PKNOX2: variants seen among roughly 807,000 people sequenced by gnomAD.
PKNOX2 encodes homeobox protein PKNOX2.
PKNOX2 carries 14 observed loss-of-function variants against 53.1 expected under a neutral mutation model. The observed-to-expected ratio is 0.26, with a 90% CI of 0.17 to 0.41. The LOEUF (loss-of-function observed/expected upper bound fraction) is 0.41. Among genes scored for constraint, PKNOX2 ranks in the 10% least tolerant of loss-of-function variants. The pLI, the probability that PKNOX2 is intolerant of heterozygous loss-of-function variation, is 1.00. For missense variants in PKNOX2, 496 were observed against 602.8 expected, an observed-to-expected ratio of 0.82 and a Z score of 1.85; for synonymous variants, 257 against 242.8, an observed-to-expected ratio of 1.06 and a Z score of -0.54.
intron 2 of PKNOX2, among the ~76,000 whole-genome samples, chr11:125,313,032 C>CTATCTG: frequency 6.6e-6 from 1 of 152,272 alleles, no homozygotes; most frequent in East Asian, 1.9e-4. Context: ...CCGTGTCATG[C>CTATCTG]TATCGCCTTC....
chr11:125,355,330 ACCCT>A (rs557929040), intron 4 of PKNOX2, among the ~76,000 whole-genome samples: 69 of 151,832 alleles, frequency 4.5e-4, no homozygotes, highest in African/African-American at 1.6e-3. Context: ...ACCTAGTGGA[ACCCT>A]CCCTGTGACC....
intron 2 of PKNOX2, among the ~76,000 whole-genome samples, chr11:125,252,228 C>A (rs890663020): frequency 7.2e-5 from 11 of 152,112 alleles, no homozygotes; most frequent in African/African-American, 2.7e-4. Context: ...CCAGAGAGGG[C>A]TTGGCTGATG....
At chr11:125,335,680 T>C (rs1002773112) in intron 3 of PKNOX2, among the ~76,000 whole-genome samples, 2 of 152,178 alleles carry the variant, frequency 1.3e-5, no homozygotes, top group South Asian at 2.1e-4. Flanking sequence ...TAGCCAGGCA[T>C]GGTGATGCAC....
At chr11:125,332,961 G>A (rs1231081255) in intron 3 of PKNOX2, among the ~76,000 whole-genome samples, 7 of 152,170 alleles carry the variant, frequency 4.6e-5, no homozygotes, top group Non-Finnish European at 1.0e-4. Flanking sequence ...ACAATGAGGG[G>A]TGGGTGGCAT....
chr11:125,419,571 G>A (rs994848352), intron 10 of PKNOX2, among the ~76,000 whole-genome samples: 7 of 151,438 alleles, frequency 4.6e-5, no homozygotes, highest in African/African-American at 9.7e-5. Flanking sequence ...ACTTGCATAC[G>A]TATTAAGGAT....
chr11:125,262,373 A>T (rs1396035672), intron 2 of PKNOX2, among the ~76,000 whole-genome samples: 1 of 152,006 alleles, frequency 6.6e-6, no homozygotes, highest in Non-Finnish European at 1.5e-5. Flanking sequence ...CTGGTCAGGC[A>T]CTCGGGGAGG....
intron 4 of PKNOX2, among the ~76,000 whole-genome samples, chr11:125,362,209 A>G (rs182999189): frequency 9.2e-5 from 14 of 152,192 alleles, no homozygotes; most frequent in African/African-American, 3.4e-4. Flanking sequence ...AAATCTTCCC[A>G]TTCTCCTCTT....
chr11:125,430,219 G>A (rs1956632843), intron 12 of PKNOX2, 78 bp downstream of exon 12: 1 of 1,504,658 alleles, frequency 6.6e-7, no homozygotes, highest in African/African-American at 1.4e-5. Context: ...GCCGTGCAAA[G>A]ATTCAAGGGC....
In PKNOX2 at chr11:125,379,207, C is replaced by A. The variant is rs183011988; in HGVS notation, c.228-6344C>A. Among the ~76,000 whole-genome samples the A allele has an allele frequency of 3.5e-3, 529 of 151,970 alleles. 1 individual carries two copies. The highest frequency in any genetic ancestry group is 6.7e-3 in the South Asian group (32 of 4,790). Reference sequence around the variant, plus strand: ...TCCCGAGTAGCTGGGATTAAAGGCACGTGCCACCATGTCTGGCTAATTTTT... The same window carrying A: ...TCCCGAGTAGCTGGGATTAAAGGCAAGTGCCACCATGTCTGGCTAATTTTT... On this transcript the variant is annotated intron_variant, in intron 5 of 12. Transcript: ENST00000298282.
At chr11:125,382,772 A>G (rs1953339290) in intron 5 of PKNOX2, among the ~76,000 whole-genome samples, 1 of 152,186 alleles carries the variant, frequency 6.6e-6, no homozygotes, top group South Asian at 2.1e-4. Flanking sequence ...GCTGCAAATG[A>G]AGACTTATAC....
intron 4 of PKNOX2, among the ~76,000 whole-genome samples, chr11:125,361,848 T>A (rs1299378835): frequency 1.3e-5 from 2 of 152,186 alleles, no homozygotes; most frequent in East Asian, 3.9e-4. Flanking sequence ...GCCTCCGGGC[T>A]CCAGAAGGCT....
At chr11:125,429,189 C>T (rs1956577384) in intron 11 of PKNOX2, 101 bp downstream of exon 11, 1 of 1,176,082 alleles carries the variant, frequency 8.5e-7, no homozygotes, top group Non-Finnish European at 1.2e-6. Flanking sequence ...CCAGGATCTG[C>T]CTCAATCTCA....
intron 12 of PKNOX2, 123 bp downstream of exon 12, chr11:125,430,264 C>A: frequency 8.6e-7 from 1 of 1,168,010 alleles, no homozygotes; most frequent in Non-Finnish European, 1.2e-6. Flanking sequence ...GCTGCCATGC[C>A]ACAGTGATTA....
At chr11:125,246,178 T>A (rs1378016598) in intron 2 of PKNOX2, among the ~76,000 whole-genome samples, 1 of 152,154 alleles carries the variant, frequency 6.6e-6, no homozygotes, top group Non-Finnish European at 1.5e-5. Context: ...TTCTCACAGT[T>A]CTGGAGCCTG....
chr11:125,273,194 G>T (rs1269371132), intron 2 of PKNOX2, among the ~76,000 whole-genome samples: 1 of 152,248 alleles, frequency 6.6e-6, no homozygotes, highest in African/African-American at 2.4e-5. Context: ...TACCTTTGCA[G>T]CCCACTGTGC....
At chr11:125,372,214 C>T (rs544058148) in intron 5 of PKNOX2, among the ~76,000 whole-genome samples, 4 of 152,232 alleles carry the variant, frequency 2.6e-5, no homozygotes, top group East Asian at 1.9e-4. Context: ...AGCTCCGATT[C>T]GTAGCATTTG....
At chr11:125,367,459 C>A (rs893303042) in intron 4 of PKNOX2, among the ~76,000 whole-genome samples, 3 of 152,174 alleles carry the variant, frequency 2.0e-5, no homozygotes, top group South Asian at 2.1e-4. Context: ...TCCTGTTTTC[C>A]TGCTTTTCAA....
At chr11:125,404,630 A>C (rs1283512706) in intron 7 of PKNOX2, among the ~76,000 whole-genome samples, 1 of 147,354 alleles carries the variant, frequency 6.8e-6, no homozygotes, top group East Asian at 1.9e-4. Flanking sequence ...CATCACACAC[A>C]CACAAACACA....
Position 125,221,160 on chromosome 11 carries a change from A to T in PKNOX2, c.-200-13885A>T, listed in dbSNP as rs191394722. On this transcript the variant is annotated intron_variant, in intron 1 of 12. Coordinates refer to ENST00000298282, the MANE Select transcript of PKNOX2 (RefSeq NM_001382323.2). ...ACAGAGTGAGACTCTGTCTAAAAAAAAACAAAACAAAAATTGTCACCATCT... is the reference window on the plus strand; with the variant it reads ...ACAGAGTGAGACTCTGTCTAAAAAATAACAAAACAAAAATTGTCACCATCT... Among the ~76,000 whole-genome samples the T allele has an allele frequency of 3.7e-3, 559 of 152,180 alleles. 9 individuals are homozygous for T. The highest frequency in any genetic ancestry group is 0.013 in the African/African-American group (525 of 41,482).
Sources: allele counts gnomAD v4.1 joint callset (sites outside exome capture counted in the v4.1 genomes callset), GRCh38; gene constraint gnomAD v4.1.1; transcripts MANE v1.5; gene names NCBI Gene and HGNC (gene_info 2026-07-23, HGNC 2026-07-21).